The following NR3C2 variants were observed in gnomAD, a reference collection of about 807,000 sequenced individuals.
NR3C2 encodes the protein mineralocorticoid receptor.
NR3C2 carries 15 observed loss-of-function variants against 86.4 expected under a neutral mutation model. The ratio of observed to expected loss-of-function variants is 0.17; its 90% CI spans 0.12 to 0.27. NR3C2 has a LOEUF of 0.27. NR3C2 is among the 10% of genes least tolerant of loss of function. NR3C2 has a pLI of 1.00. For synonymous variants in NR3C2, 458 were observed against 450.5 expected, an observed-to-expected ratio of 1.02 and a Z score of -0.21; for missense variants, 960 against 1,195.6, an observed-to-expected ratio of 0.80 and a Z score of 2.91.
At chr4:148,365,779 C>T (rs1746084443) in intron 2 of NR3C2, among the ~76,000 whole-genome samples, 3 of 151,914 alleles carry the variant, frequency 2.0e-5, no homozygotes, top group Admixed American at 2.0e-4. Context: ...TGCCTACATT[C>T]ATAATTAAGG....
intron 2 of NR3C2, among the ~76,000 whole-genome samples, chr4:148,423,865 C>T (rs556425856): frequency 4.6e-5 from 7 of 152,280 alleles, no homozygotes; most frequent in South Asian, 2.1e-4. Context: ...CACGCCACTA[C>T]GCCTGGCTAA....
At chr4:148,096,329 C>G (rs951800559) in intron 8 of NR3C2, among the ~76,000 whole-genome samples, 3 of 152,172 alleles carry the variant, frequency 2.0e-5, no homozygotes, top group Non-Finnish European at 4.4e-5. Flanking sequence ...TTCAATATTT[C>G]CTAGATCCTT....
At chr4:148,286,723 A>T (rs1741540961) in intron 2 of NR3C2, among the ~76,000 whole-genome samples, 1 of 152,124 alleles carries the variant, frequency 6.6e-6, no homozygotes, top group Non-Finnish European at 1.5e-5. Context: ...ATACAGGGTT[A>T]AAAAAATGCT....
chr4:148,265,541 T>A (rs1029154429), intron 2 of NR3C2, among the ~76,000 whole-genome samples: 1 of 152,222 alleles, frequency 6.6e-6, no homozygotes, highest in Non-Finnish European at 1.5e-5. Flanking sequence ...TAGCGACTGA[T>A]CCACTTTCAG....
intron 2 of NR3C2, among the ~76,000 whole-genome samples, chr4:148,355,361 G>T (rs9631756): frequency 6.6e-6 from 1 of 152,064 alleles, no homozygotes; most frequent in South Asian, 2.1e-4. Context: ...TAACGGCCTT[G>T]CATTTATCAT....
intron 8 of NR3C2, among the ~76,000 whole-genome samples, chr4:148,101,533 A>G (rs1267553602): frequency 6.6e-6 from 1 of 152,230 alleles, no homozygotes; most frequent in Non-Finnish European, 1.5e-5. Flanking sequence ...TCATGACTTA[A>G]AAAAGAAGAT....
intron 4 of NR3C2, among the ~76,000 whole-genome samples, chr4:148,169,568 G>C (rs959022573): frequency 1.8e-4 from 27 of 151,548 alleles, no homozygotes; most frequent in African/African-American, 6.3e-4. Flanking sequence ...CCTCAACTAT[G>C]CTTTAATTTA....
intron 4 of NR3C2, among the ~76,000 whole-genome samples, chr4:148,189,220 T>C (rs1163036350): frequency 2.0e-5 from 3 of 152,194 alleles, no homozygotes; most frequent in South Asian, 4.1e-4. Flanking sequence ...TGAGCCAGTA[T>C]GCCCAGCTGG....
At position 148,246,548 on chromosome 4, in the gene NR3C2, AT is replaced by A. The variant is rs573041665; in HGVS notation, c.1897+13429del. On this transcript the variant is annotated intron_variant, in intron 3 of 8. Coordinates refer to ENST00000358102, the MANE Select transcript of NR3C2 (RefSeq NM_000901.5). ...AAATGTTAGGAGTATGTTTAATTTTATTATTTTATTTTATTTTTTTGAAATG... is the reference window on the plus strand; with the variant it reads ...AAATGTTAGGAGTATGTTTAATTTTATATTTTATTTTATTTTTTTGAAATG... 7.7e-3 allele frequency among the ~76,000 whole-genome samples: 1,170 copies of A among 152,162 alleles called. 18 individuals carry two copies. The highest frequency in any genetic ancestry group is 0.027 in the African/African-American group (1,116 of 41,528).
At chr4:148,186,212 G>T (rs1735883203) in intron 4 of NR3C2, among the ~76,000 whole-genome samples, 1 of 151,962 alleles carries the variant, frequency 6.6e-6, no homozygotes, top group Non-Finnish European at 1.5e-5. Context: ...CTATTATAAT[G>T]ATTAGATTTA....
intron 2 of NR3C2, among the ~76,000 whole-genome samples, chr4:148,297,842 T>C (rs965850076): frequency 1.4e-4 from 21 of 151,668 alleles, no homozygotes; most frequent in African/African-American, 4.4e-4. Context: ...TGAGCTGAGA[T>C]TGCGCCATTG....
intron 4 of NR3C2, among the ~76,000 whole-genome samples, chr4:148,181,454 CA>C (rs1343284995): frequency 2.6e-5 from 4 of 152,108 alleles, no homozygotes; most frequent in Admixed American, 6.5e-5. Flanking sequence ...ATTCTATGGC[CA>C]GGGGGCAGTC....
chr4:148,439,003 A>C (rs534912050), intron 1 of NR3C2, among the ~76,000 whole-genome samples: 14 of 152,346 alleles, frequency 9.2e-5, no homozygotes, highest in African/African-American at 2.9e-4. Context: ...ATCACAAAAC[A>C]GTAGAAAATA....
intron 4 of NR3C2, among the ~76,000 whole-genome samples, chr4:148,191,915 G>A (rs993093982): frequency 2.6e-5 from 4 of 152,042 alleles, no homozygotes; most frequent in Non-Finnish European, 4.4e-5. Flanking sequence ...GGATTTCCTT[G>A]GATTGGGCTT....
chr4:148,336,118 C>T (rs995223033), intron 2 of NR3C2, among the ~76,000 whole-genome samples: 5 of 152,152 alleles, frequency 3.3e-5, no homozygotes, highest in African/African-American at 1.2e-4. Flanking sequence ...TCACAGACAA[C>T]CTGATTTCCC....
At chr4:148,171,576 G>A (rs1476651012) in intron 4 of NR3C2, among the ~76,000 whole-genome samples, 1 of 152,198 alleles carries the variant, frequency 6.6e-6, no homozygotes, top group Non-Finnish European at 1.5e-5. Context: ...CCTTGAATGT[G>A]CAGTTCACAA....
At position 148,309,583 on chromosome 4, in the gene NR3C2, T is replaced by C. The variant is rs1005452477; in HGVS notation, c.1758-49466A>G. On this transcript the variant is annotated intron_variant, in intron 2 of 8. Transcript: ENST00000358102. ...TTATGAATAGAATTAGACTTCAGAA[T>C]CTTCATATTCTCTCTTTCTATAGTT... is the stretch of plus-strand genomic sequence containing the variant. Among the ~76,000 whole-genome samples the C allele has an allele frequency of 3.0e-5, 4 of 132,516 alleles. No individual in the cohort carries two copies. The Admixed American group carries it at 3.2e-4, about 11-fold the overall frequency. 86.9% of individuals were successfully genotyped at this position (132,516 alleles called of 152,430 possible). A position where few individuals can be genotyped will look rare whatever the true frequency, so the allele number is the denominator to read the frequency against.
chr4:148,261,195 ACTATGGTAAGCG>A (rs1179110748), intron 2 of NR3C2, among the ~76,000 whole-genome samples: 3 of 151,954 alleles, frequency 2.0e-5, no homozygotes, highest in East Asian at 1.9e-4. Context: ...GCTATGGTGC[ACTATGGTAAGCG>A]CTATGGTAAG....
At chr4:148,203,818 T>C (rs1479912743) in intron 3 of NR3C2, among the ~76,000 whole-genome samples, 1 of 152,088 alleles carries the variant, frequency 6.6e-6, no homozygotes, top group African/African-American at 2.4e-5. Context: ...TGAACAATGA[T>C]CCCCTGCTGC....
Sources: gnomAD v4.1 joint callset for allele counts (sites outside exome capture counted in the v4.1 genomes callset) on GRCh38, gnomAD v4.1.1 for gene constraint, MANE v1.5 for transcripts, NCBI Gene and HGNC (gene_info 2026-07-23, HGNC 2026-07-21) for gene names.